Variants in NAALADL2 observed in about 807,000 individuals in gnomAD.
NAALADL2 encodes inactive N-acetylated-alpha-linked acidic dipeptidase-like protein 2.
In NAALADL2, 76 loss-of-function variants were observed where a neutral mutation model predicts 87.2. That is an observed-to-expected ratio of 0.87 (90% confidence interval 0.72 to 1.05). The LOEUF (loss-of-function observed/expected upper bound fraction) is 1.05, where lower values mean the gene tolerates loss of function less well. Among genes scored for constraint, NAALADL2 ranks in the 50% least tolerant of loss-of-function variants. NAALADL2 has a pLI of 0.00. For synonymous variants in NAALADL2, 354 were observed against 331.0 expected, an observed-to-expected ratio of 1.07 and a Z score of -0.75; for missense variants, 1,089 against 945.8, an observed-to-expected ratio of 1.15 and a Z score of -1.99.
intron 1 of NAALADL2, among the ~76,000 whole-genome samples, chr3:174,522,311 GC>G (rs1460459397): frequency 6.6e-6 from 1 of 152,088 alleles, no homozygotes; most frequent in Non-Finnish European, 1.5e-5. Flanking sequence ...AGGAGATGGA[GC>G]CTTTGGGAGG....
rs1741123987 is a variant in NAALADL2, at chr3:175,715,589, C to T, written c.1897-21717C>T. ...TAAACAAATGACTATAAGATGGACA[C>T]TCAAGGCTGGGCATGGTGGCTCACA... On this transcript the variant is annotated intron_variant, in intron 11 of 13. Transcript: ENST00000454872. Among the ~76,000 whole-genome samples the T allele has an allele frequency of 2.0e-5, 3 of 151,982 alleles. No individual in the cohort carries two copies. The South Asian group carries it at 6.2e-4, about 31-fold the overall frequency.
At chr3:175,140,721 C>T (rs1729865392) in intron 2 of NAALADL2, among the ~76,000 whole-genome samples, 3 of 152,018 alleles carry the variant, frequency 2.0e-5, no homozygotes, top group Admixed American at 1.3e-4. Context: ...AGGGTCCTCG[C>T]TACAAAAGGG....
intron 2 of NAALADL2, among the ~76,000 whole-genome samples, chr3:174,592,024 G>T (rs369277276): frequency 6.6e-6 from 1 of 152,002 alleles, no homozygotes; most frequent in Admixed American, 6.6e-5. Context: ...GGCTTAAGAA[G>T]TGTCATACGT....
intron 2 of NAALADL2, among the ~76,000 whole-genome samples, chr3:175,130,908 C>T (rs1332732806): frequency 6.6e-6 from 1 of 152,130 alleles, no homozygotes; most frequent in Non-Finnish European, 1.5e-5. Flanking sequence ...TGGTTCCATA[C>T]AAATTTAGGA....
intron 1 of NAALADL2, among the ~76,000 whole-genome samples, chr3:174,997,106 T>C (rs536997538): frequency 1.1e-4 from 16 of 151,590 alleles, no homozygotes; most frequent in African/African-American, 2.9e-4. Flanking sequence ...TAGATTGGTT[T>C]CATAGCTTTG....
In NAALADL2 at chr3:174,475,544, A is replaced by G. The variant is rs145348519; in HGVS notation, c.-184+34512A>G. Among the ~76,000 whole-genome samples, 288 of 152,132 alleles carry G rather than the reference A, an allele frequency of 1.9e-3. 1 individual carries two copies. The highest frequency in any genetic ancestry group is 6.6e-3 in the African/African-American group (276 of 41,562). ...ACACTAAATTTCTAATTAATCTTGC[A>G]AACTGTAACGTGTAAGAATCACATA... On this transcript the variant is annotated intron_variant, in intron 1 of 3. Coordinates refer to the NAALADL2 transcript ENST00000434257.
At chr3:175,174,304 G>A (rs1735344741) in intron 2 of NAALADL2, among the ~76,000 whole-genome samples, 1 of 152,036 alleles carries the variant, frequency 6.6e-6, no homozygotes, top group Non-Finnish European at 1.5e-5. Context: ...TGCCAACTAA[G>A]CGGCTTTTTA....
intron 5 of NAALADL2, chr3:175,369,546 A>G (rs2148942449): frequency 6.6e-6 from 1 of 152,390 alleles, no homozygotes; most frequent in South Asian, 2.1e-4. Context: ...TATACATGCT[A>G]CGTATGTATA....
At chr3:174,843,658 A>G (rs546994918) in intron 3 of NAALADL2, among the ~76,000 whole-genome samples, 7 of 152,114 alleles carry the variant, frequency 4.6e-5, no homozygotes, top group Non-Finnish European at 7.4e-5. Context: ...TCCCAACAAC[A>G]ATGTGTAAGT....
chr3:175,197,352 A>G (rs1266766985), intron 2 of NAALADL2, among the ~76,000 whole-genome samples: 1 of 152,042 alleles, frequency 6.6e-6, no homozygotes, highest in East Asian at 1.9e-4. Context: ...GTAGTAAATG[A>G]TAAAATAGAC....
intron 1 of NAALADL2, among the ~76,000 whole-genome samples, chr3:174,939,620 G>A (rs766748301): frequency 1.1e-4 from 16 of 151,776 alleles, no homozygotes; most frequent in Non-Finnish European, 2.1e-4. Context: ...TTTAATAATA[G>A]TCATTCTTCC....
At chr3:175,286,822 T>C (rs1166103496) in intron 4 of NAALADL2, among the ~76,000 whole-genome samples, 1 of 152,160 alleles carries the variant, frequency 6.6e-6, no homozygotes, top group Admixed American at 6.5e-5. Flanking sequence ...CTGGATGCGG[T>C]AACTCATGCC....
chr3:175,129,236 C>T (rs889349095), intron 2 of NAALADL2, among the ~76,000 whole-genome samples: 13 of 152,138 alleles, frequency 8.5e-5, no homozygotes, highest in Non-Finnish European at 1.8e-4. Flanking sequence ...TGAGCCACCA[C>T]ATCCTGCCAC....
At chr3:175,199,864 A>ATATTTTTTT (rs1560154077) in intron 2 of NAALADL2, among the ~76,000 whole-genome samples, 1 of 13,056 alleles carries the variant, frequency 7.7e-5, no homozygotes, top group Non-Finnish European at 1.4e-4. Context: ...ATATATATAT[A>ATATTTTTTT]TTTTTTTTTT....
intron 5 of NAALADL2, among the ~76,000 whole-genome samples, chr3:175,343,947 A>C (rs1336072813): frequency 2.6e-5 from 4 of 152,038 alleles, no homozygotes. Flanking sequence ...CTTTAAAAAA[A>C]AAATTCTTCC....
intron 2 of NAALADL2, among the ~76,000 whole-genome samples, chr3:174,641,910 C>G (rs1190668624): frequency 6.6e-6 from 1 of 152,110 alleles, no homozygotes; most frequent in Non-Finnish European, 1.5e-5. Flanking sequence ...GCATGGGCCA[C>G]TACGCCCAGC....
intron 5 of NAALADL2, among the ~76,000 whole-genome samples, chr3:175,325,266 C>G (rs926461593): frequency 1.3e-4 from 20 of 152,302 alleles, no homozygotes; most frequent in African/African-American, 4.8e-4. Context: ...AAGAAGGAAG[C>G]AAATTGAATC....
At chr3:175,060,592 C>T (rs886320014) in intron 1 of NAALADL2, among the ~76,000 whole-genome samples, 2 of 152,118 alleles carry the variant, frequency 1.3e-5, no homozygotes, top group South Asian at 4.1e-4. Context: ...AATATTTATA[C>T]AAGTAACTTT....
chr3:175,582,189 C>T (rs1429617253), intron 10 of NAALADL2, among the ~76,000 whole-genome samples: 1 of 149,620 alleles, frequency 6.7e-6, no homozygotes, highest in Non-Finnish European at 1.5e-5. Flanking sequence ...GAGGAATAAA[C>T]ACAAGAAGTT....
Sources: gnomAD v4.1 joint callset for allele counts (sites outside exome capture counted in the v4.1 genomes callset) on GRCh38, gnomAD v4.1.1 for gene constraint, MANE v1.5 for transcripts, NCBI Gene and HGNC (gene_info 2026-07-23, HGNC 2026-07-21) for gene names.